The following CUX1 variants were observed in gnomAD, a reference collection of about 807,000 sequenced individuals.
CUX1 encodes protein CASP.
CUX1 carries 31 observed loss-of-function variants against 158.8 expected under a neutral mutation model. The observed-to-expected ratio is 0.20, with a 90% CI of 0.15 to 0.26. CUX1 has a LOEUF of 0.26. CUX1 is among the 10% of genes least tolerant of loss of function. The pLI is 1.00. For synonymous variants in CUX1, 879 were observed against 862.1 expected (o/e 1.02, Z -0.34); for missense variants, 1,589 against 2,014.6 (o/e 0.79, Z 4.04).
In CUX1 at chr7:102,257,305, C is replaced by G. The variant is rs1392109889; in HGVS notation, c.*8263C>G. 1.0e-6 allele frequency: 1 copy of G among 979,732 alleles called. No individual in the cohort carries two copies. Among genetic ancestry groups the G allele is most frequent in the Non-Finnish European group, 1.2e-6 (1 of 827,044 alleles). The allele number at this position is 979,732 out of a possible 1,614,324, so 60.7% of individuals were successfully genotyped here. On this transcript the variant is annotated 3_prime_UTR_variant, in exon 24 of 24. Coordinates refer to ENST00000292535, the MANE Select transcript of CUX1 (RefSeq NM_181552.4). ...ACAATGGTCCCCATCTCCCCAGAAGCCTTTTTTTTTTTCATTTTTCTCTAA... is the reference window on the plus strand; with the variant it reads ...ACAATGGTCCCCATCTCCCCAGAAGGCTTTTTTTTTTTCATTTTTCTCTAA...
intron 13 of CUX1, 106 bp from the exon 14 acceptor site, chr7:102,195,401 G>A: frequency 3.6e-6 from 3 of 830,644 alleles, no homozygotes; most frequent in Non-Finnish European, 5.5e-6. Context: ...TCGAGAGCTG[G>A]GTGGGAACGC....
At chr7:102,141,553 G>A (rs1466932401) in intron 8 of CUX1, among the ~76,000 whole-genome samples, 2 of 152,090 alleles carry the variant, frequency 1.3e-5, no homozygotes, top group Non-Finnish European at 2.9e-5. Flanking sequence ...AGGAAGCTGA[G>A]AGCGATAACT....
Position 101,865,031 on chromosome 7 carries a change from G to A in CUX1, c.30+47362G>A, listed in dbSNP as rs867140380. Among the ~76,000 whole-genome samples the A allele has an allele frequency of 3.3e-5, 5 of 152,002 alleles. No individual in the cohort carries two copies. The South Asian group carries it at 6.2e-4, about 19-fold the overall frequency. ...TTTTTTTTAAATGTTTTGTAGAATC[G>A]GACCAAAATCAGACCAATCCTCTCA... is the stretch of plus-strand genomic sequence containing the variant. On this transcript the variant is annotated intron_variant, in intron 1 of 23. Coordinates refer to ENST00000292535, the MANE Select transcript of CUX1 (RefSeq NM_181552.4).
chr7:102,005,007 C>T (rs926447584), intron 2 of CUX1, among the ~76,000 whole-genome samples: 16 of 152,324 alleles, frequency 1.1e-4, no homozygotes, highest in African/African-American at 3.4e-4. Context: ...TGGTTTTGGC[C>T]GGCTTGCCGC....
At chr7:102,087,619 T>C (rs1554480957) in intron 4 of CUX1, among the ~76,000 whole-genome samples, 1 of 152,144 alleles carries the variant, frequency 6.6e-6, no homozygotes, top group African/African-American at 2.4e-5. Context: ...AACTTATCAT[T>C]TTATACCTTC....
chr7:102,251,243 AT>A lies in CUX1; in HGVS notation c.*2204del, dbSNP rs1479545696. 2.5e-6 allele frequency: 2 copies of A among 789,430 alleles called. No individual in the cohort carries two copies. The highest frequency in any genetic ancestry group is 2.3e-5 in the African/African-American group (1 of 42,776). 48.9% of individuals were successfully genotyped at this position (789,430 alleles called of 1,614,324 possible). ...TTTAATTAATATTACTTTTTTTTTT[AT>A]TTGGGGGGTGGGAGGGAGTTATAAT... On this transcript the variant is annotated 3_prime_UTR_variant, in exon 24 of 24. Coordinates refer to ENST00000292535, the MANE Select transcript of CUX1 (RefSeq NM_181552.4).
intron 2 of CUX1, among the ~76,000 whole-genome samples, chr7:101,946,646 G>C (rs112513): frequency 0.12 from 17,592 of 152,074 alleles, 1,234 homozygotes; most frequent in Non-Finnish European, 0.16. Flanking sequence ...GGGGTGGGGA[G>C]TGAGGCCAGG....
rs1450994259 is a variant in CUX1, at chr7:102,257,688, T to G, written c.*8646T>G. 1.0e-6 allele frequency: 1 copy of G among 984,684 alleles called. No individual in the cohort carries two copies. Among genetic ancestry groups the G allele is most frequent in the African/African-American group, 1.8e-5 (1 of 56,706 alleles). 61.0% of individuals were successfully genotyped at this position (984,684 alleles called of 1,614,324 possible). A position where few individuals can be genotyped will look rare whatever the true frequency, so the allele number is the denominator to read the frequency against. ...AGGGTGGCGGAATCTTCCGGAAAAC[T>G]CTCTATAAGCTCAGCTCCCCCCACC... On this transcript the variant is annotated 3_prime_UTR_variant, in exon 24 of 24. Coordinates refer to ENST00000292535, the MANE Select transcript of CUX1 (RefSeq NM_181552.4).
At chr7:102,139,176 C>A (rs1563297865) in intron 8 of CUX1, among the ~76,000 whole-genome samples, 1 of 143,404 alleles carries the variant, frequency 7.0e-6, no homozygotes, top group Non-Finnish European at 1.5e-5. Flanking sequence ...ACCCGGGAGG[C>A]AGAGTTTGCA....
intron 1 of CUX1, among the ~76,000 whole-genome samples, chr7:101,874,409 G>T (rs1400466338): frequency 6.6e-6 from 1 of 152,168 alleles, no homozygotes; most frequent in Non-Finnish European, 1.5e-5. Flanking sequence ...TGGTGATTTG[G>T]AACTCCCTGG....
At chr7:102,265,478 C>T (rs782774782) in intron 14 of CUX1, among the ~76,000 whole-genome samples, 6 of 152,084 alleles carry the variant, frequency 3.9e-5, no homozygotes, top group Non-Finnish European at 8.8e-5. Flanking sequence ...CACTCTGTTG[C>T]CCAGGCTAGA....
rs1554537895 is a variant in CUX1, at chr7:102,248,572, G to A, written c.4048G>A (p.Ala1350Thr). The A allele has an allele frequency of 4.0e-6, 6 of 1,488,134 alleles. No individual in the cohort carries two copies. The highest frequency in any genetic ancestry group is 2.8e-5 in the East Asian group (1 of 35,840). The allele number at this position is 1,488,134 out of a possible 1,614,324, so 92.2% of individuals were successfully genotyped here. A position where few individuals can be genotyped will look rare whatever the true frequency, so the allele number is the denominator to read the frequency against. Residue 1350 changes from alanine to threonine, a missense_variant, in exon 24 of 24, where the codon GCC becomes ACC. Transcript: ENST00000292535. The surrounding 1 kb of genome is among the most constrained non-coding windows in gnomAD (Gnocchi z 5.8). ...GGAGGCCACTGAGGGCCCAGGCAGCGCCGACACCGAGGAGCCCAAGTCTCA... is the reference window on the plus strand; with the variant it reads ...GGAGGCCACTGAGGGCCCAGGCAGCACCGACACCGAGGAGCCCAAGTCTCA... Reference protein sequence around the residue: ...GVEATEGPGSADTEEPKSQGE... With the variant: ...GVEATEGPGSTDTEEPKSQGE...
chr7:102,099,546 G>T (rs2130930637), intron 5 of CUX1, among the ~76,000 whole-genome samples: 1 of 150,162 alleles, frequency 6.7e-6, no homozygotes, highest in Non-Finnish European at 1.5e-5. Flanking sequence ...GGTTTGTTTG[G>T]TGAGTGTTTT....
intron 3 of CUX1, among the ~76,000 whole-genome samples, chr7:102,051,654 CAAAA>C (rs1299911064): frequency 2.2e-5 from 2 of 89,742 alleles, no homozygotes; most frequent in Non-Finnish European, 4.8e-5. Flanking sequence ...GACTCTGTCT[CAAAA>C]AAAAAAAAAA....
At chr7:102,160,373 G>A (rs1036018981) in intron 9 of CUX1, among the ~76,000 whole-genome samples, 36 of 152,154 alleles carry the variant, frequency 2.4e-4, no homozygotes, top group African/African-American at 8.2e-4. Flanking sequence ...GCCTTATCCT[G>A]TGAATATCAG....
At chr7:102,158,496 C>T in intron 8 of CUX1, 64 bp from the exon 9 acceptor site, 9 of 1,546,676 alleles carry the variant, frequency 5.8e-6, no homozygotes, top group Non-Finnish European at 8.0e-6. Context: ...GAAGCTGTCC[C>T]ATCAGTCACC....
chr7:102,145,262 C>A (rs1266820077), intron 8 of CUX1, among the ~76,000 whole-genome samples: 1 of 151,910 alleles, frequency 6.6e-6, no homozygotes. Context: ...AAAAGATTCT[C>A]CACCCCACTG....
chr7:101,875,420 T>G (rs1055787672), intron 1 of CUX1, among the ~76,000 whole-genome samples: 3 of 152,226 alleles, frequency 2.0e-5, no homozygotes, highest in Admixed American at 2.0e-4. Flanking sequence ...CCAAAAACAC[T>G]TGGCTGTTAG....
intron 2 of CUX1, among the ~76,000 whole-genome samples, chr7:101,980,745 C>T (rs980840105): frequency 6.6e-6 from 1 of 152,124 alleles, no homozygotes; most frequent in African/African-American, 2.4e-5. Context: ...ACTCTGTGAC[C>T]CCCGGCCCAA....
Sources: gnomAD v4.1 joint callset for allele counts (sites outside exome capture counted in the v4.1 genomes callset) on GRCh38, gnomAD v4.1.1 for gene constraint, Gnocchi (gnomAD v3.1) non-coding constraint, MANE v1.5 for transcripts, NCBI Gene and HGNC (gene_info 2026-07-23, HGNC 2026-07-21) for gene names.